TSEN2: variants seen among roughly 807,000 people sequenced by gnomAD.
The protein encoded by TSEN2 is tRNA splicing endonuclease subunit 2.
In TSEN2, 54 loss-of-function variants were observed where a neutral mutation model predicts 59.2. That is an observed-to-expected ratio of 0.91 (90% CI 0.73 to 1.14). TSEN2 has a LOEUF of 1.14. Ranked by LOEUF, TSEN2 falls within the 50% of genes most tolerant of loss-of-function variation. The pLI is 0.00. For synonymous variants in TSEN2, 195 were observed against 198.2 expected (o/e 0.98, Z 0.14); for missense variants, 636 against 576.2 (o/e 1.10, Z -1.06).
At chr3:12,516,487 T>TGTGTGTGTGA in intron 6 of TSEN2, 124 bp from the exon 7 acceptor site, 1 of 690,006 alleles carries the variant, frequency 1.4e-6, no homozygotes, top group Non-Finnish European at 2.6e-6. Flanking sequence ...TGTGTGTGTG[T>TGTGTGTGTGA]GACCTTTTTG....
intron 8 of TSEN2, among the ~76,000 whole-genome samples, chr3:12,522,823 C>A (rs1201932095): frequency 2.0e-5 from 3 of 152,164 alleles, no homozygotes; most frequent in African/African-American, 7.2e-5. Context: ...AGCTGCCAAC[C>A]TAGTTGACCT....
chr3:12,519,847 G>A lies in TSEN2; in HGVS notation c.1099+650G>A, dbSNP rs570751111. 2.6e-5 allele frequency among the ~76,000 whole-genome samples: 4 copies of A among 152,302 alleles called. No homozygotes were observed. In the South Asian group the frequency reaches 8.3e-4, roughly 32 times the overall value. ...AGTCCCTTATCCCCGGGCCTCAGTG[G>A]CCTCATCTGCCAAGTGAGAACAATC... On this transcript the variant is annotated intron_variant, in intron 8 of 11. Transcript: ENST00000284995.
intron 6 of TSEN2, chr3:12,505,513 G>A (rs1355834138): frequency 2.8e-6 from 1 of 356,330 alleles, no homozygotes; most frequent in African/African-American, 2.1e-5. Flanking sequence ...GTTAGGCCGG[G>A]TGCGGGGGCT....
At chr3:12,519,034 T>C in intron 7 of TSEN2, 25 bp from the exon 8 acceptor site, 2 of 1,613,918 alleles carry the variant, frequency 1.2e-6, no homozygotes, top group South Asian at 2.2e-5. Context: ...AGTAATGCTT[T>C]TTGTTTTTTT....
At position 12,519,176 on chromosome 3, in the gene TSEN2, C is replaced by G; in HGVS notation, c.1078C>G (p.Leu360Val). The stretch of plus-strand genomic sequence containing the variant: ...CAAGGGCTGGGTGCCCAAAGTGGGA[C>G]TCAAGTACGGGACAGATTTACGTAA... ...RSKGWVPKVGLKYGTDLLLYR... is the reference protein window; with the variant it reads ...RSKGWVPKVGVKYGTDLLLYR... Residue 360 changes from leucine (L) to valine (V), a missense_variant, in exon 8 of 12, where the codon CTC (leucine) becomes GTC (valine). Physicochemically the swap from Leu to Val is conservative, Grantham distance 32. Coordinates refer to ENST00000284995, the MANE Select transcript of TSEN2 (RefSeq NM_025265.4). The G allele has an allele frequency of 6.2e-7, 1 of 1,614,202 alleles. No homozygotes were observed.
At chr3:12,532,286 T>C (rs758288967) in intron 11 of TSEN2, among the ~76,000 whole-genome samples, 10 of 152,176 alleles carry the variant, frequency 6.6e-5, no homozygotes, top group South Asian at 4.1e-4. Context: ...GGCTAGTTTC[T>C]CATAAAATGC....
chr3:12,486,636 C>G (rs1465755429), intron 1 of TSEN2, among the ~76,000 whole-genome samples: 2 of 152,140 alleles, frequency 1.3e-5, no homozygotes, highest in East Asian at 3.9e-4. Context: ...GTTATGTAAC[C>G]ATTACCATCA....
At chr3:12,490,945 G>A (rs544573006) in intron 2 of TSEN2, among the ~76,000 whole-genome samples, 36 of 152,060 alleles carry the variant, frequency 2.4e-4, no homozygotes, top group African/African-American at 8.7e-4. Context: ...GCTTTATAAA[G>A]TGCTGTATGC....
At chr3:12,530,844 A>G in intron 10 of TSEN2, 1 of 792,494 alleles carries the variant, frequency 1.3e-6, no homozygotes, top group Non-Finnish European at 1.5e-6. Context: ...TTTTCTTCTC[A>G]TCATTTCAAG....
In TSEN2 at chr3:12,532,914, A is replaced by C. The variant is rs2057552937; in HGVS notation, c.*193A>C. 3.2e-6 allele frequency: 2 copies of C among 633,864 alleles called. No individual in the cohort carries two copies. 39.3% of individuals were successfully genotyped at this position (633,864 alleles called of 1,614,324 possible). A position where few individuals can be genotyped will look rare whatever the true frequency, so the allele number is the denominator to read the frequency against. ...AAAGATCCCTGTGCTAGGACTGCAG[A>C]TTCTATACTTGCGTTGGCCTCTAAC... On this transcript the variant is annotated 3_prime_UTR_variant, in exon 12 of 12. Coordinates refer to ENST00000284995, the MANE Select transcript of TSEN2 (RefSeq NM_025265.4).
At chr3:12,496,395 G>A (rs1183785051) in intron 3 of TSEN2, 123 bp from the exon 4 acceptor site, 10 of 1,036,750 alleles carry the variant, frequency 9.6e-6, no homozygotes, top group African/African-American at 1.6e-5. Context: ...TTACTGACTG[G>A]ACAGTAAACT....
intron 1 of TSEN2, 58 bp downstream of exon 1, chr3:12,484,938 A>G (rs1442876926): frequency 3.3e-5 from 5 of 152,068 alleles, no homozygotes; most frequent in Admixed American, 3.3e-4. Context: ...TGCGCAGTTT[A>G]TTTTATTTGC....
intron 8 of TSEN2, among the ~76,000 whole-genome samples, chr3:12,526,229 A>C (rs975929029): frequency 6.6e-6 from 1 of 152,184 alleles, no homozygotes; most frequent in African/African-American, 2.4e-5. Context: ...GTTTATAAAG[A>C]GTACAGTAGC....
chr3:12,509,247 C>T (rs1407806658), intron 6 of TSEN2, among the ~76,000 whole-genome samples: 3 of 150,572 alleles, frequency 2.0e-5, no homozygotes, highest in African/African-American at 7.4e-5. Flanking sequence ...GTCACCTAGG[C>T]TGCAGTGCAG....
chr3:12,528,178 A>G (rs2057232136), intron 8 of TSEN2, among the ~76,000 whole-genome samples: 1 of 152,206 alleles, frequency 6.6e-6, no homozygotes, highest in Admixed American at 6.5e-5. Context: ...CAGAGTAGTG[A>G]GTCAGACACT....
intron 1 of TSEN2, among the ~76,000 whole-genome samples, 172 bp downstream of exon 1, chr3:12,485,052 C>T (rs1173842737): frequency 6.6e-6 from 1 of 152,236 alleles, no homozygotes; most frequent in African/African-American, 2.4e-5. Context: ...GGCTGGTCAT[C>T]TGTTTATATG....
chr3:12,506,544 G>A (rs1042868418), intron 6 of TSEN2, among the ~76,000 whole-genome samples: 8 of 150,224 alleles, frequency 5.3e-5, no homozygotes, highest in South Asian at 2.1e-4. Context: ...TTAATGAACC[G>A]AGGTCACGCC....
At chr3:12,518,998 G>A in intron 7 of TSEN2, 61 bp from the exon 8 acceptor site, 1 of 1,570,146 alleles carries the variant, frequency 6.4e-7, no homozygotes, top group Non-Finnish European at 8.7e-7. Flanking sequence ...TGGTGCCCTG[G>A]CTGAACGGAG....
intron 10 of TSEN2, 28 bp downstream of exon 10, chr3:12,529,901 A>T: frequency 6.2e-7 from 1 of 1,607,696 alleles, no homozygotes; most frequent in South Asian, 1.1e-5. Context: ...TTGCCATTGG[A>T]GTGTCACTTA....
Sources: gnomAD v4.1 joint callset for allele counts (sites outside exome capture counted in the v4.1 genomes callset) on GRCh38, gnomAD v4.1.1 for gene constraint, MANE v1.5 for transcripts, NCBI Gene and HGNC (gene_info 2026-07-23, HGNC 2026-07-21) for gene names.